CLSTN2: variants seen among roughly 807,000 people sequenced by gnomAD.
CLSTN2 encodes calsyntenin 2.
Under a neutral mutation model 101.2 loss-of-function variants are expected in CLSTN2, and 48 were observed. That is an observed-to-expected ratio of 0.47 (90% CI 0.38 to 0.60). The LOEUF (loss-of-function observed/expected upper bound fraction) is 0.60. CLSTN2 is among the 20% of genes least tolerant of loss of function. The pLI, the probability that CLSTN2 is intolerant of heterozygous loss-of-function variation, is 0.00. For synonymous variants in CLSTN2, 481 were observed against 463.6 expected (o/e 1.04, Z -0.48); for missense variants, 1,160 against 1,238.2 (o/e 0.94, Z 0.95).
chr3:140,419,152 A>G (rs1230132709), intron 4 of CLSTN2, among the ~76,000 whole-genome samples: 1 of 151,914 alleles, frequency 6.6e-6, no homozygotes, highest in Admixed American at 6.6e-5. Flanking sequence ...AAGCTCATTT[A>G]GGCAATTTTT....
chr3:140,114,809 T>C (rs2009213221), intron 1 of CLSTN2, among the ~76,000 whole-genome samples: 1 of 152,172 alleles, frequency 6.6e-6, no homozygotes, highest in African/African-American at 2.4e-5. Context: ...ATTGTTTTCA[T>C]CATCCCAGCT....
At position 140,565,493 on chromosome 3, in the gene CLSTN2, G is replaced by A. The variant is rs1030629004; in HGVS notation, c.2668-560G>A. Among the ~76,000 whole-genome samples the A allele has an allele frequency of 2.0e-5, 3 of 152,302 alleles. No individual in the cohort carries two copies. The East Asian group carries it at 5.8e-4, about 29-fold the overall frequency. On this transcript the variant is annotated intron_variant, in intron 16 of 16. Transcript: ENST00000458420. ...TGGAAAGGAAGGGGTACAGCCTGAG[G>A]ACACAAGTCAGGGGGTGAGCAGCAA...
At chr3:140,212,122 A>G (rs910279553) in intron 2 of CLSTN2, among the ~76,000 whole-genome samples, 9 of 152,338 alleles carry the variant, frequency 5.9e-5, no homozygotes, top group East Asian at 1.9e-4. Flanking sequence ...ACTGAATCCA[A>G]GGCATGATAG....
At chr3:140,109,943 G>T (rs527383164) in intron 1 of CLSTN2, among the ~76,000 whole-genome samples, 104 of 152,104 alleles carry the variant, frequency 6.8e-4, no homozygotes, top group African/African-American at 2.3e-3. Flanking sequence ...AGCACCCCAG[G>T]TTTCCTTGAT....
At chr3:140,125,511 G>C (rs772145844) in intron 1 of CLSTN2, among the ~76,000 whole-genome samples, 47 of 152,080 alleles carry the variant, frequency 3.1e-4, no homozygotes, top group Non-Finnish European at 4.9e-4. Flanking sequence ...GTGGCTCCTT[G>C]ATTTCCTCTC....
At chr3:140,294,995 C>T (rs1018451193) in intron 2 of CLSTN2, among the ~76,000 whole-genome samples, 4 of 152,172 alleles carry the variant, frequency 2.6e-5, no homozygotes, top group African/African-American at 9.7e-5. Flanking sequence ...GGCCCCACCT[C>T]CTAAATGCTG....
chr3:140,154,180 A>G (rs1202309252), intron 1 of CLSTN2, among the ~76,000 whole-genome samples: 1 of 152,158 alleles, frequency 6.6e-6, no homozygotes. Context: ...GATCCTTCAG[A>G]TGGGGTCTTC....
At position 140,398,412 on chromosome 3, in the gene CLSTN2, A is replaced by T. The variant is rs908354999; in HGVS notation, c.233-5217A>T. 2.6e-5 allele frequency among the ~76,000 whole-genome samples: 4 copies of T among 152,334 alleles called. No homozygotes were observed. The East Asian group carries it at 7.7e-4, about 29-fold the overall frequency. The stretch of plus-strand genomic sequence containing the variant: ...GAAGAATGCAGTTAGCCACTCACTA[A>T]GCCACCAGCACTTTTACTCCCCATT... On this transcript the variant is annotated intron_variant, in intron 2 of 16. Coordinates refer to ENST00000458420, the MANE Select transcript of CLSTN2 (RefSeq NM_022131.3).
At chr3:140,327,535 G>C (rs962797677) in intron 2 of CLSTN2, among the ~76,000 whole-genome samples, 7 of 152,166 alleles carry the variant, frequency 4.6e-5, no homozygotes, top group Non-Finnish European at 7.3e-5. Context: ...TCAAACTTTA[G>C]AAAGGGAATT....
chr3:140,171,617 T>TTATATAATATGTATTATATATTA (rs1559797072), intron 1 of CLSTN2, among the ~76,000 whole-genome samples: 1 of 131,992 alleles, frequency 7.6e-6, no homozygotes, highest in African/African-American at 2.9e-5. Flanking sequence ...GCATTATATA[T>TTATATAATATGTATTATATATTA]TATATAATAT....
intron 6 of CLSTN2, chr3:140,454,247 G>C (rs1324276908): frequency 6.6e-6 from 1 of 152,110 alleles, no homozygotes; most frequent in Non-Finnish European, 1.5e-5. Context: ...TTGGGGAGGA[G>C]GTTTTTGCCT....
At chr3:140,415,486 CAAAAAAAA>C (rs751616049) in intron 4 of CLSTN2, among the ~76,000 whole-genome samples, 1 of 56,868 alleles carries the variant, frequency 1.8e-5, no homozygotes, top group Non-Finnish European at 3.0e-5. Context: ...CACAAAATAG[CAAAAAAAA>C]AAAAAAAAAA....
intron 1 of CLSTN2, among the ~76,000 whole-genome samples, chr3:140,090,630 C>T (rs2008762390): frequency 6.6e-6 from 1 of 151,978 alleles, no homozygotes; most frequent in Non-Finnish European, 1.5e-5. Flanking sequence ...GTTGGAGGCA[C>T]AACACTAACA....
intron 2 of CLSTN2, among the ~76,000 whole-genome samples, chr3:140,239,231 G>C (rs1432382569): frequency 6.6e-6 from 1 of 152,084 alleles, no homozygotes; most frequent in African/African-American, 2.4e-5. Flanking sequence ...ATTCAGTCCA[G>C]ACCTGCAGCT....
chr3:140,166,041 T>C (rs749613724), intron 1 of CLSTN2, among the ~76,000 whole-genome samples: 9 of 152,152 alleles, frequency 5.9e-5, no homozygotes, highest in Non-Finnish European at 1.0e-4. Flanking sequence ...TCTCTGCCTA[T>C]CTACTCTCAA....
At chr3:140,337,673 C>A (rs184685479) in intron 2 of CLSTN2, among the ~76,000 whole-genome samples, 1 of 152,256 alleles carries the variant, frequency 6.6e-6, no homozygotes, top group East Asian at 1.9e-4. Context: ...GAGATACCAC[C>A]AGGTCATGGG....
In CLSTN2 at chr3:140,566,118, A is replaced by G. The variant is rs1215251277; in HGVS notation, c.2733A>G (p.Glu911=). The change falls in exon 17 of 17, where the codon GAA becomes GAG. Residue 911 remains glutamate (E), a synonymous_variant. Coordinates refer to ENST00000458420, the MANE Select transcript of CLSTN2 (RefSeq NM_022131.3). ...GAGAAGAGGAGGAAGAAGCCGAGGA[A>G]GAAATGAGCTCCAGCAGTGGCTCTG... The part of the protein sequence containing the change: ...TEGEEEEEAE[E]EMSSSSGSDD... 1 of 1,612,074 alleles carries G rather than the reference A, an allele frequency of 6.2e-7. No individual in the cohort carries two copies. The highest frequency in any genetic ancestry group is 8.5e-7 in the Non-Finnish European group (1 of 1,178,258).
intron 8 of CLSTN2, among the ~76,000 whole-genome samples, chr3:140,489,366 G>A (rs569417315): frequency 6.6e-6 from 1 of 152,320 alleles, no homozygotes; most frequent in Non-Finnish European, 1.5e-5. Context: ...AGCAACTTAA[G>A]TGGAAGAAAC....
chr3:140,557,104 G>A (rs971414096), intron 11 of CLSTN2: 1 of 154,372 alleles, frequency 6.5e-6, no homozygotes, highest in African/African-American at 2.4e-5. Flanking sequence ...AAAACAGAAG[G>A]CATGGTTCTT....
Sources: gnomAD v4.1 joint callset for allele counts (sites outside exome capture counted in the v4.1 genomes callset) on GRCh38, gnomAD v4.1.1 for gene constraint, MANE v1.5 for transcripts, NCBI Gene and HGNC (gene_info 2026-07-23, HGNC 2026-07-21) for gene names.